The following ARSF variants were observed in gnomAD, a reference collection of about 807,000 sequenced individuals.
ARSF encodes arylsulfatase F.
ARSF carries 33 observed loss-of-function variants against 35.4 expected under a neutral mutation model. That is an observed-to-expected ratio of 0.93 (90% confidence interval 0.71 to 1.25). The LOEUF is 1.25. Among genes scored for constraint, ARSF ranks in the 50% most tolerant of loss-of-function variants. The pLI is 0.00. For missense variants in ARSF, 501 were observed against 480.2 expected (o/e 1.04, Z -0.40); for synonymous variants, 222 against 193.1 (o/e 1.15, Z -1.24).
chrX:3,067,103 C>CCCTT (rs978485930), intron 1 of ARSF, among the ~76,000 whole-genome samples: 1 of 106,323 alleles, frequency 9.4e-6, no homozygotes, highest in African/African-American at 3.5e-5. Flanking sequence ...CTCCCTCCCT[C>CCCTT]CCTTCCTTTT....
intron 1 of ARSF, 32 bp from the exon 2 acceptor site, chrX:3,068,041 C>G: frequency 2.0e-5 from 16 of 793,829 alleles, no homozygotes; most frequent in African/African-American, 2.7e-5. Context: ...TTTTTTTGGT[C>G]TTTTAAATCA....
upstream of ARSF, among the ~76,000 whole-genome samples, chrX:3,041,303 T>TC (rs2089954132): frequency 9.8e-6 from 1 of 102,135 alleles, no homozygotes; most frequent in Non-Finnish European, 2.0e-5. Context: ...CTTTTTCTTT[T>TC]TTTTTTTTTT....
chrX:3,092,646 C>G, intron 7 of ARSF, among the ~76,000 whole-genome samples: 1 of 111,870 alleles, frequency 8.9e-6, no homozygotes, highest in South Asian at 3.7e-4. Context: ...GATACTGGTG[C>G]CCAGAGGTTT....
At position 3,052,661 on chromosome X, in the gene ARSF, C is replaced by G. The variant is rs1380306803; in HGVS notation, c.-29+10998C>G. ...TGAGCTGTGATCACACCACTGCACT[C>G]TAGTGTGGGTGACAGTGAGACCCTG... is the stretch of plus-strand genomic sequence containing the variant. On this transcript the variant is annotated intron_variant, in intron 1 of 10. Coordinates refer to ENST00000381127, the MANE Select transcript of ARSF (RefSeq NM_001201539.2). Among the ~76,000 whole-genome samples, 4 of 98,233 alleles carry G rather than the reference C, an allele frequency of 4.1e-5. No individual in the cohort carries two copies. In the East Asian group the frequency reaches 1.3e-3, roughly 31 times the overall value. 85.3% of individuals were successfully genotyped at this position (98,233 alleles called of 115,157 possible).
chrX:3,067,721 T>C (rs1022878893), intron 1 of ARSF, among the ~76,000 whole-genome samples: 8 of 110,039 alleles, frequency 7.3e-5, no homozygotes, highest in Non-Finnish European at 1.5e-4. Flanking sequence ...TAGCCGGGCG[T>C]GGTGGTGCAC....
chrX:3,107,966 A>C (rs1369226897), intron 9 of ARSF, among the ~76,000 whole-genome samples: 2 of 111,967 alleles, frequency 1.8e-5, no homozygotes, highest in Non-Finnish European at 3.8e-5. Flanking sequence ...ATTTAGGCTT[A>C]TGGTCCACAT....
intron 8 of ARSF, among the ~76,000 whole-genome samples, chrX:3,102,227 G>A (rs940867164): frequency 3.6e-5 from 4 of 111,300 alleles, no homozygotes; most frequent in South Asian, 3.8e-4. Flanking sequence ...TTAGTGCACC[G>A]TCATCTGAGC....
In ARSF at chrX:3,061,872, T is replaced by A. The variant is rs774645736; in HGVS notation, c.-28-6201T>A. Among the ~76,000 whole-genome samples the A allele has an allele frequency of 6.3e-5, 7 of 111,600 alleles. No individual in the cohort carries two copies. The South Asian group carries it at 1.2e-3, about 18-fold the overall frequency. ...ATAATGGGAGACTTTAACACCCCAC[T>A]GTCAATATTAGACAGATCAACGAGA... On this transcript the variant is annotated intron_variant, in intron 1 of 10. Transcript: ENST00000381127.
At chrX:3,086,307 A>G (rs927333871) in intron 6 of ARSF, among the ~76,000 whole-genome samples, 1 of 112,236 alleles carries the variant, frequency 8.9e-6, no homozygotes. Context: ...AACAGATCCT[A>G]TGGTTGAGAT....
rs1044127006 is a variant in ARSF, at chrX:3,084,152, T to A, written c.407-91T>A. ...TTTATTTTTGTGTATTAGCTGATTGTTTCACGTGAAGAATGCTCACATGGT... is the reference window on the plus strand; with the variant it reads ...TTTATTTTTGTGTATTAGCTGATTGATTCACGTGAAGAATGCTCACATGGT... On this transcript the variant is annotated intron_variant, in intron 5 of 10. Coordinates refer to ENST00000381127, the MANE Select transcript of ARSF (RefSeq NM_001201539.2). 15 of 1,016,232 alleles carry A rather than the reference T, an allele frequency of 1.5e-5. No homozygotes were observed. The African/African-American group carries it at 2.3e-4, about 15-fold the overall frequency. 83.7% of individuals were successfully genotyped at this position (1,016,232 alleles called of 1,213,427 possible).
At chrX:3,081,722 G>A (rs373119606) in intron 5 of ARSF, among the ~76,000 whole-genome samples, 2 of 111,009 alleles carry the variant, frequency 1.8e-5, no homozygotes, top group Admixed American at 9.6e-5. Context: ...CTGCCTGCCC[G>A]CATAGTCTCT....
chrX:3,084,333 C>T lies in ARSF; in HGVS notation c.497C>T (p.Pro166Leu), dbSNP rs758884289. 2.1e-5 allele frequency: 25 copies of T among 1,209,655 alleles called. No homozygotes were observed. The highest frequency in any genetic ancestry group is 4.4e-5 in the Admixed American group (2 of 45,610). ...GGGTTTGACTACTACTATGGCATGC[C>T]GTTCACTCTCGTTGACAGCTGCTGG... ...NYGFDYYYGM[P>L]FTLVDSCWPD... is the part of the protein sequence containing the mutation. Residue 166 changes from proline (P) to leucine (L), a missense_variant, in exon 6 of 11, where the codon CCG (proline) becomes CTG (leucine). Coordinates refer to ENST00000381127, the MANE Select transcript of ARSF (RefSeq NM_001201539.2).
Position 3,106,385 on chromosome X carries a change from A to T in ARSF, c.1265+2461A>T, listed in dbSNP as rs183397265. 1.4e-4 allele frequency among the ~76,000 whole-genome samples: 16 copies of T among 111,809 alleles called. No homozygotes were observed. In the East Asian group the frequency reaches 4.2e-3, roughly 29 times the overall value. On this transcript the variant is annotated intron_variant, in intron 9 of 10. Transcript: ENST00000381127. ...AATTCATGACTTCTTTGGCATGTGCATTGACCAGTTAAATATGTCCTTGCT... is the reference window on the plus strand; with the variant it reads ...AATTCATGACTTCTTTGGCATGTGCTTTGACCAGTTAAATATGTCCTTGCT...
chrX:3,101,907 A>G (rs997823483), intron 8 of ARSF, among the ~76,000 whole-genome samples: 1 of 111,897 alleles, frequency 8.9e-6, no homozygotes, highest in African/African-American at 3.2e-5. Flanking sequence ...CTTGAGAGAG[A>G]TTTTAAAGTA....
intron 3 of ARSF, among the ~76,000 whole-genome samples, chrX:3,075,471 C>G (rs1205601459): frequency 2.5e-5 from 2 of 80,600 alleles, no homozygotes; most frequent in Non-Finnish European, 4.6e-5. Flanking sequence ...GTCTCTGTCA[C>G]CCCTCTCTGT....
At chrX:3,089,418 C>G in intron 6 of ARSF, 78 bp from the exon 7 acceptor site, 2 of 1,111,115 alleles carry the variant, frequency 1.8e-6, no homozygotes, top group Non-Finnish European at 2.4e-6. Flanking sequence ...CAGGTCATGT[C>G]TATGAGAAGC....
At chrX:3,102,857 A>G (rs778985660) in intron 8 of ARSF, among the ~76,000 whole-genome samples, 3 of 110,294 alleles carry the variant, frequency 2.7e-5, no homozygotes, top group East Asian at 5.7e-4. Context: ...GGTTGCAGTG[A>G]GCCGCGATAG....
intron 7 of ARSF, among the ~76,000 whole-genome samples, chrX:3,092,952 A>G (rs182374072): frequency 8.1e-5 from 9 of 111,786 alleles, no homozygotes; most frequent in African/African-American, 9.8e-5. Context: ...GCGGGTGGAT[A>G]ACGAGTTCAG....
At chrX:3,110,657 G>C (rs932664001) in intron 10 of ARSF, among the ~76,000 whole-genome samples, 1 of 112,006 alleles carries the variant, frequency 8.9e-6, no homozygotes, top group African/African-American at 3.2e-5. Context: ...AGAACTTTGG[G>C]AGGCCGAGGC....
Sources: gnomAD v4.1 joint callset for allele counts (sites outside exome capture counted in the v4.1 genomes callset) on GRCh38, gnomAD v4.1.1 for gene constraint, MANE v1.5 for transcripts, NCBI Gene and HGNC (gene_info 2026-07-23, HGNC 2026-07-21) for gene names.